Variants in CENPO observed in about 807,000 individuals in gnomAD.
CENPO encodes the protein centromere protein O, also known as centromeric protein O.
Under a neutral mutation model 36.1 loss-of-function variants are expected in CENPO, and 30 were observed. That is an observed-to-expected ratio of 0.83 (90% confidence interval 0.62 to 1.13). The LOEUF (loss-of-function observed/expected upper bound fraction) is 1.13. Among genes scored for constraint, CENPO ranks in the 50% most tolerant of loss-of-function variants. CENPO has a pLI of 0.00. For missense variants in CENPO, 349 were observed against 357.8 expected (o/e 0.98, Z 0.20); for synonymous variants, 171 against 142.3 (o/e 1.20, Z -1.44).
chr2:24,799,420 G>T (rs79386162), intron 2 of CENPO, among the ~76,000 whole-genome samples: 2,909 of 152,244 alleles, frequency 0.019, 30 homozygotes, highest in South Asian at 0.03. Context: ...GCGTGTGATA[G>T]TTCATATCCT....
Position 24,819,930 on chromosome 2 carries a change from A to G in CENPO, c.*612A>G, listed in dbSNP as rs759706336. 6.2e-7 allele frequency: 1 copy of G among 1,613,612 alleles called. No individual in the cohort carries two copies. Among genetic ancestry groups the G allele is most frequent in the Admixed American group, 1.7e-5 (1 of 59,970 alleles). On this transcript the variant is annotated 3_prime_UTR_variant, in exon 8 of 8. Transcript: ENST00000380834. ...TTTGGACTGTTGCAGGCTCGAGGCC[A>G]TTCAGGAGTTGTCCACCACCTGGTG...
chr2:24,819,237 G>A (rs191201383), intron 7 of CENPO, 117 bp from the exon 8 acceptor site: 1 of 152,760 alleles, frequency 6.5e-6, no homozygotes, highest in East Asian at 1.9e-4. Context: ...TTCTCTTAAA[G>A]CAGTAGCAAA....
Position 24,814,424 on chromosome 2 carries a change from A to G in CENPO, c.265A>G (p.Asn89Asp). The G allele has an allele frequency of 1.2e-6, 2 of 1,607,062 alleles. No homozygotes were observed. The highest frequency in any genetic ancestry group is 1.7e-6 in the Non-Finnish European group (2 of 1,173,538). Reference sequence around the variant, plus strand: ...AGAACCCAACCAAACAGTGGAGATCAATGAGCAAGAAGCATTGGAAGAGAA... The same window carrying G: ...AGAACCCAACCAAACAGTGGAGATCGATGAGCAAGAAGCATTGGAAGAGAA... ...NVEPNQTVEINEQEALEEKLE... is the reference protein window; with the variant it reads ...NVEPNQTVEIDEQEALEEKLE... The change falls in exon 4 of 8, where the codon AAT (asparagine) becomes GAT (aspartate). Residue 89 changes from asparagine to aspartate, a missense_variant. Transcript: ENST00000380834.
At chr2:24,801,046 G>A (rs1666138641) in intron 3 of CENPO, among the ~76,000 whole-genome samples, 1 of 152,162 alleles carries the variant, frequency 6.6e-6, no homozygotes, top group African/African-American at 2.4e-5. Context: ...GTATCTCATT[G>A]TGGCTTTGAT....
At chr2:24,814,599 T>A in intron 4 of CENPO, 106 bp downstream of exon 4, 1 of 708,200 alleles carries the variant, frequency 1.4e-6, no homozygotes. Flanking sequence ...TATAGTATTT[T>A]ACACCCTCTG....
At chr2:24,818,191 A>G (rs1667049915) in intron 7 of CENPO, among the ~76,000 whole-genome samples, 1 of 152,220 alleles carries the variant, frequency 6.6e-6, no homozygotes, top group Non-Finnish European at 1.5e-5. Flanking sequence ...AAGTTGTCAC[A>G]GTAACTGCTA....
intron 3 of CENPO, among the ~76,000 whole-genome samples, chr2:24,802,757 G>A (rs76603123): frequency 1.6e-3 from 247 of 152,222 alleles, no homozygotes; most frequent in African/African-American, 5.8e-3. Flanking sequence ...TTTTTGCATC[G>A]ACGTTCATCA....
In CENPO at chr2:24,816,699, C is replaced by A; in HGVS notation, c.648C>A (p.Asn216Lys). Residue 216 changes from asparagine (N) to lysine (K), a missense_variant, in exon 6 of 8, where the codon AAC (asparagine) becomes AAA (lysine). By Grantham distance (94) the Asn-to-Lys change is moderately conservative. Transcript: ENST00000380834. ...TGPLQRNPLC[N>K]LLSFTYKLDP... ...CCTTGCAGAGAAACCCACTGTGTAA[C>A]TTGCTGTCATTTACTTACAAACTGG... The A allele has an allele frequency of 6.2e-7, 1 of 1,613,268 alleles. No individual in the cohort carries two copies. Among genetic ancestry groups the A allele is most frequent in the South Asian group, 1.1e-5 (1 of 90,754 alleles).
rs184952239 is a variant in CENPO at position 24,804,021 on chromosome 2, G to A, written c.216+4177G>A. Among the ~76,000 whole-genome samples, 1,087 of 152,200 alleles carry A rather than the reference G, an allele frequency of 7.1e-3. 6 individuals are homozygous for A. Among genetic ancestry groups the A allele is most frequent in the Non-Finnish European group, 0.011 (727 of 68,014 alleles). ...TATGAGTCTGGGTGCTCCTGTATTG[G>A]GTGCATATATATTTAGGATAGTTAG... On this transcript the variant is annotated intron_variant, in intron 3 of 7. Coordinates refer to ENST00000380834, the MANE Select transcript of CENPO (RefSeq NM_001322101.2).
chr2:24,816,593 A>AC, intron 5 of CENPO, 53 bp from the exon 6 acceptor site: 1 of 1,344,210 alleles, frequency 7.4e-7, no homozygotes, highest in Non-Finnish European at 1.0e-6. Flanking sequence ...AGTAAACACC[A>AC]CCTTTGGAAC....
At position 24,817,757 on chromosome 2, in the gene CENPO, C is replaced by T. The variant is rs745818461; in HGVS notation, c.854C>T (p.Ala285Val). The T allele has an allele frequency of 5.0e-5, 80 of 1,614,052 alleles. No individual in the cohort carries two copies. In the South Asian group the frequency reaches 8.8e-4, roughly 18 times the overall value. Residue 285 changes from alanine (A) to valine (V), a missense_variant, in exon 7 of 8, where the codon GCC (alanine) becomes GTC (valine). Physicochemically the swap from Ala to Val is moderately conservative, Grantham distance 64. Coordinates refer to ENST00000380834, the MANE Select transcript of CENPO (RefSeq NM_001322101.2). ...ACGAAGCCCTTGCATCAAGTGTTTG[C>T]CTCATTTACAAGAAAAGGAGAAAAG... ...FCTKPLHQVFASFTRKGEKLD... is the reference protein window; with the variant it reads ...FCTKPLHQVFVSFTRKGEKLD...
At position 24,820,927 on chromosome 2, in the gene CENPO, C is replaced by T; in HGVS notation, c.*1609C>T. On this transcript the variant is annotated 3_prime_UTR_variant, in exon 8 of 8. Coordinates refer to ENST00000380834, the MANE Select transcript of CENPO (RefSeq NM_001322101.2). ...CCTCAGAAGCCATCTCCTCTCCAGA[C>T]CTGTACCACAAAGCTCCTAATGTAA... is the stretch of plus-strand genomic sequence containing the variant. 1 of 1,563,014 alleles carries T rather than the reference C, an allele frequency of 6.4e-7. No homozygotes were observed. The highest frequency in any genetic ancestry group is 1.4e-5 in the African/African-American group (1 of 73,750).
At chr2:24,808,587 T>C (rs984659154) in intron 3 of CENPO, among the ~76,000 whole-genome samples, 3 of 152,200 alleles carry the variant, frequency 2.0e-5, no homozygotes, top group African/African-American at 7.2e-5. Context: ...TTTTCTCAAA[T>C]ATTTTTACTG....
At chr2:24,806,910 G>A (rs1189707088) in intron 3 of CENPO, among the ~76,000 whole-genome samples, 1 of 152,170 alleles carries the variant, frequency 6.6e-6, no homozygotes, top group Non-Finnish European at 1.5e-5. Flanking sequence ...CATTGCCACA[G>A]CTCAAATATT....
chr2:24,793,954 A>AGTCCAAAGGAGGTATTCAGAGG lies in CENPO; in HGVS notation c.39_46+14dup. 6.2e-7 allele frequency: 1 copy of AGTCCAAAGGAGGTATTCAGAGG among 1,613,884 alleles called. No individual in the cohort carries two copies. Among genetic ancestry groups the AGTCCAAAGGAGGTATTCAGAGG allele is most frequent in the Non-Finnish European group, 8.5e-7 (1 of 1,179,744 alleles). The stretch of plus-strand genomic sequence containing the variant: ...GCGAACCCTTTACGTCCAGATGGCG[A>AGTCCAAAGGAGGTATTCAGAGG]GTCCAAAGGAGGTATTCAGAGGGTC... On this transcript the variant is annotated frameshift_variant, in exon 2 of 8. Coordinates refer to ENST00000380834, the MANE Select transcript of CENPO (RefSeq NM_001322101.2). LOFTEE classifies it high-confidence loss of function.
In CENPO at chr2:24,821,593, G is replaced by T. The variant is rs77454507; in HGVS notation, c.*2275G>T. The T allele has an allele frequency of 1.2e-6, 2 of 1,614,082 alleles. No homozygotes were observed. The highest frequency in any genetic ancestry group is 1.1e-5 in the South Asian group (1 of 91,080). On this transcript the variant is annotated 3_prime_UTR_variant, in exon 8 of 8. Coordinates refer to ENST00000380834, the MANE Select transcript of CENPO (RefSeq NM_001322101.2). The stretch of plus-strand genomic sequence containing the variant: ...TATCCTTCATGGCCAGCGCGAAGTC[G>T]GCCAGGTCAGCCAGGTGCTGCCAGC...
At chr2:24,809,629 G>T (rs1210537895) in intron 3 of CENPO, among the ~76,000 whole-genome samples, 2 of 149,526 alleles carry the variant, frequency 1.3e-5, no homozygotes, top group Non-Finnish European at 3.0e-5. Context: ...TTCAAATATT[G>T]TTAATTTCCA....
intron 2 of CENPO, among the ~76,000 whole-genome samples, chr2:24,795,640 T>C (rs35213472): frequency 0.03 from 4,512 of 152,280 alleles, 83 homozygotes; most frequent in East Asian, 0.067. Flanking sequence ...TCAGAAACTT[T>C]GGGAATATTG....
At chr2:24,810,398 A>C (rs1666620892) in intron 3 of CENPO, among the ~76,000 whole-genome samples, 1 of 152,038 alleles carries the variant, frequency 6.6e-6, no homozygotes, top group Admixed American at 6.6e-5. Context: ...TGGGCAGCAT[A>C]GTGAGAGCCC....
Sources: gnomAD v4.1 joint callset for allele counts (sites outside exome capture counted in the v4.1 genomes callset) on GRCh38, gnomAD v4.1.1 for gene constraint, MANE v1.5 for transcripts, NCBI Gene and HGNC (gene_info 2026-07-23, HGNC 2026-07-21) for gene names.